Variants in PCDHGB2 observed in about 807,000 individuals in gnomAD.
The protein encoded by PCDHGB2 is protocadherin gamma subfamily B, 2.
PCDHGB2 carries 55 observed loss-of-function variants against 59.3 expected under a neutral mutation model. That is an observed-to-expected ratio of 0.93 (90% CI 0.75 to 1.16). The LOEUF is 1.16. Among genes scored for constraint, PCDHGB2 ranks in the 50% most tolerant of loss-of-function variants. The pLI, the probability that PCDHGB2 is intolerant of heterozygous loss-of-function variation, is 0.00. For missense variants in PCDHGB2, 1,228 were observed against 1,198.5 expected (o/e 1.02, Z -0.36); for synonymous variants, 516 against 512.0 (o/e 1.01, Z -0.11).
Position 141,489,352 on chromosome 5 carries a change from G to A in PCDHGB2, c.2422-5455G>A, listed in dbSNP as rs1336068787. 1.9e-6 allele frequency: 3 copies of A among 1,612,152 alleles called. No homozygotes were observed. In the Admixed American group the frequency reaches 5.0e-5, roughly 27 times the overall value. On this transcript the variant is annotated intron_variant, in intron 1 of 3. Transcript: ENST00000522605. The surrounding 1 kb of genome is among the most constrained non-coding windows in gnomAD (Gnocchi z 4.5). ...GCAGCTTCGTTACTCAGTGGTGGAG[G>A]AGTCTGAGCCGGGGACGCTGGTGGG...
intron 1 of PCDHGB2, chr5:141,376,683 T>G (rs993121211): frequency 8.6e-5 from 69 of 804,030 alleles, no homozygotes; most frequent in African/African-American, 6.0e-4. Flanking sequence ...ATCGTTTTTT[T>G]TTTTTTTTTT....
Position 141,431,818 on chromosome 5 carries a change from C to T in PCDHGB2, c.2422-62989C>T, listed in dbSNP as rs201311339. On this transcript the variant is annotated intron_variant, in intron 1 of 3. Coordinates refer to ENST00000522605, the MANE Select transcript of PCDHGB2 (RefSeq NM_018923.3). This position sits in a 1 kb window ranked among gnomAD's most constrained non-coding sequence, Gnocchi z 4.8. ...CAGAAGTGGTCCTCACCTCTCTCGCCAGCTCGGTTCCCGAAAACTCTCCCA... is the reference window on the plus strand; with the variant it reads ...CAGAAGTGGTCCTCACCTCTCTCGCTAGCTCGGTTCCCGAAAACTCTCCCA... 130 of 1,614,122 alleles carry T rather than the reference C, an allele frequency of 8.1e-5. No homozygotes were observed. Among genetic ancestry groups the T allele is most frequent in the Non-Finnish European group, 1.0e-4 (121 of 1,180,040 alleles).
At chr5:141,364,803 G>A (rs1763546634) in intron 1 of PCDHGB2, 1 of 1,614,002 alleles carries the variant, frequency 6.2e-7, no homozygotes, top group Non-Finnish European at 8.5e-7. Context: ...CCCTTCGCGC[G>A]GGATGCGGAT....
At chr5:141,369,542 A>T (rs553503598) in intron 1 of PCDHGB2, among the ~76,000 whole-genome samples, 1 of 152,332 alleles carries the variant, frequency 6.6e-6, no homozygotes, top group South Asian at 2.1e-4. Context: ...TTTAATTAAA[A>T]GTAGACACTT....
rs749528675 is a variant in PCDHGB2, at chr5:141,490,604, A to G, written c.2422-4203A>G. On this transcript the variant is annotated intron_variant, in intron 1 of 3. Coordinates refer to ENST00000522605, the MANE Select transcript of PCDHGB2 (RefSeq NM_018923.3). This position sits in a 1 kb window ranked among gnomAD's most constrained non-coding sequence, Gnocchi z 5.4. ...GTCAATGACAATGCACCCCGCTTCA[A>G]CCAGCAGCTTTACACTGCTTACATC... is the stretch of plus-strand genomic sequence containing the variant. 13 of 1,614,192 alleles carry G rather than the reference A, an allele frequency of 8.1e-6. No homozygotes were observed. Among genetic ancestry groups the G allele is most frequent in the Non-Finnish European group, 1.1e-5 (13 of 1,180,022 alleles).
intron 1 of PCDHGB2, chr5:141,417,974 G>A: frequency 6.2e-7 from 1 of 1,613,856 alleles, no homozygotes. Flanking sequence ...CTCGATTCCG[G>A]AGGAGCTGGC....
chr5:141,371,638 T>A, intron 1 of PCDHGB2: 1 of 1,613,996 alleles, frequency 6.2e-7, no homozygotes, highest in Non-Finnish European at 8.5e-7. Context: ...CGGGAGCAGA[T>A]CCCAGAATAC....
intron 1 of PCDHGB2, chr5:141,393,489 G>C: frequency 6.2e-7 from 1 of 1,614,062 alleles, no homozygotes; most frequent in Non-Finnish European, 8.5e-7. Flanking sequence ...CTCTAGCACA[G>C]TGCGCATCCA....
chr5:141,465,606 T>C (rs192541390), intron 1 of PCDHGB2, among the ~76,000 whole-genome samples: 22 of 152,338 alleles, frequency 1.4e-4, no homozygotes, highest in African/African-American at 5.3e-4. Context: ...TATCACTCTT[T>C]GGCCCTCCAG....
At chr5:141,488,069 C>T (rs1197698273) in intron 1 of PCDHGB2, among the ~76,000 whole-genome samples, 1 of 152,072 alleles carries the variant, frequency 6.6e-6, no homozygotes, top group Non-Finnish European at 1.5e-5. Context: ...ATCTTTGTCT[C>T]CCAGTATCTA....
chr5:141,452,929 G>A (rs2154564099), intron 1 of PCDHGB2, among the ~76,000 whole-genome samples: 1 of 152,310 alleles, frequency 6.6e-6, no homozygotes, highest in Admixed American at 6.5e-5. Flanking sequence ...AAGAGCTGCT[G>A]AAGATTTGCT....
Position 141,361,499 on chromosome 5 carries a change from C to T in PCDHGB2, c.1364C>T (p.Thr455Ile), listed in dbSNP as rs1762048821. Residue 455 changes from threonine (T) to isoleucine (I), a missense_variant, in exon 1 of 4, where the codon ACT becomes ATT. Around this residue, in one of 3 missense-constraint regions of PCDHGB2, gnomAD observed 781 missense variants for 721.6 expected, o/e 1.08. Coordinates refer to ENST00000522605, the MANE Select transcript of PCDHGB2 (RefSeq NM_018923.3). ...GATAATGCCCCAGTTTTCCAACAGA[C>T]TTCCTACATGGTTCACGTGGCAGAG... ...VNDNAPVFQQTSYMVHVAENN... is the reference protein window; with the variant it reads ...VNDNAPVFQQISYMVHVAENN... The T allele has an allele frequency of 1.9e-6, 3 of 1,613,948 alleles. No homozygotes were observed. Among genetic ancestry groups the T allele is most frequent in the South Asian group, 1.1e-5 (1 of 91,092 alleles).
chr5:141,364,528 C>A (rs1445482375), intron 1 of PCDHGB2: 2 of 1,613,930 alleles, frequency 1.2e-6, no homozygotes, highest in Non-Finnish European at 1.7e-6. Context: ...GAGTCCGCAT[C>A]GTCTCCAGAG....
chr5:141,430,957 C>T (rs771551541), intron 1 of PCDHGB2: 42 of 1,611,532 alleles, frequency 2.6e-5, no homozygotes, highest in Middle Eastern at 3.3e-4. Context: ...GAGTCCGCAT[C>T]ATCCCCAGAG....
At position 141,511,373 on chromosome 5, in the gene PCDHGB2, G is replaced by C. The variant is rs1361376059; in HGVS notation, c.*200G>C. 16 of 1,251,214 alleles carry C rather than the reference G, an allele frequency of 1.3e-5. No homozygotes were observed. Among genetic ancestry groups the C allele is most frequent in the Non-Finnish European group, 1.4e-5 (13 of 925,282 alleles). The allele number at this position is 1,251,214 out of a possible 1,614,324, so 77.5% of individuals were successfully genotyped here. A position where few individuals can be genotyped will look rare whatever the true frequency, so the allele number is the denominator to read the frequency against. ...CCCCCAGGGGGTTGAATATGCAAAAGCAGTTCCGCTGGGAACCCCCATCCA... is the reference window on the plus strand; with the variant it reads ...CCCCCAGGGGGTTGAATATGCAAAACCAGTTCCGCTGGGAACCCCCATCCA... On this transcript the variant is annotated 3_prime_UTR_variant, in exon 4 of 4. Transcript: ENST00000522605.
At position 141,485,729 on chromosome 5, in the gene PCDHGB2, A is replaced by G. The variant is rs2099618322; in HGVS notation, c.2422-9078A>G. 6.2e-7 allele frequency: 1 copy of G among 1,614,092 alleles called. No individual in the cohort carries two copies. The highest frequency in any genetic ancestry group is 1.1e-5 in the South Asian group (1 of 91,094). ...CTTTGCACTGGATGTGAAGAAGCGCAGCGACGGCAGCCTGGTCCCAGAGCT... is the reference window on the plus strand; with the variant it reads ...CTTTGCACTGGATGTGAAGAAGCGCGGCGACGGCAGCCTGGTCCCAGAGCT... On this transcript the variant is annotated intron_variant, in intron 1 of 3. Coordinates refer to ENST00000522605, the MANE Select transcript of PCDHGB2 (RefSeq NM_018923.3). This position sits in a 1 kb window ranked among gnomAD's most constrained non-coding sequence, Gnocchi z 5.7.
chr5:141,389,048 T>C, intron 1 of PCDHGB2: 1 of 1,613,976 alleles, frequency 6.2e-7, no homozygotes, highest in East Asian at 2.2e-5. Context: ...AAGGTGATGT[T>C]CCATTTAAAA....
rs748105196 is a variant in PCDHGB2 at position 141,486,849 on chromosome 5, A to G, written c.2422-7958A>G. ...GTTCGTCTATTTGTGCTGGACCTCA[A>G]TGACAATGCTCCAGCTGTGCTCCGT... is the stretch of plus-strand genomic sequence containing the variant. On this transcript the variant is annotated intron_variant, in intron 1 of 3. Coordinates refer to ENST00000522605, the MANE Select transcript of PCDHGB2 (RefSeq NM_018923.3). The surrounding 1 kb of genome is among the most constrained non-coding windows in gnomAD (Gnocchi z 5.0). 4.3e-6 allele frequency: 7 copies of G among 1,614,110 alleles called. No individual in the cohort carries two copies. The highest frequency in any genetic ancestry group is 5.1e-6 in the Non-Finnish European group (6 of 1,180,036).
intron 1 of PCDHGB2, among the ~76,000 whole-genome samples, chr5:141,439,662 G>A (rs2098125902): frequency 6.6e-6 from 1 of 152,150 alleles, no homozygotes; most frequent in South Asian, 2.1e-4. Flanking sequence ...TAATTTCATG[G>A]AATGCAAATC....
Sources: allele counts gnomAD v4.1 joint callset (sites outside exome capture counted in the v4.1 genomes callset), GRCh38; gene constraint gnomAD v4.1.1; regional missense constraint gnomAD v4.1.1; non-coding constraint Gnocchi (gnomAD v3.1); transcripts MANE v1.5; gene names NCBI Gene and HGNC (gene_info 2026-07-23, HGNC 2026-07-21).